The following ZFHX4 variants were observed in gnomAD, a reference collection of about 807,000 sequenced individuals.
ZFHX4 encodes zinc finger homeobox protein 4.
Under a neutral mutation model 267.6 loss-of-function variants are expected in ZFHX4, and 56 were observed. The observed-to-expected ratio is 0.21, with a 90% CI of 0.17 to 0.26. The LOEUF (loss-of-function observed/expected upper bound fraction) is 0.26. Ranked by LOEUF, ZFHX4 falls within the 10% of genes least tolerant of loss-of-function variation. The pLI is 1.00. For missense variants in ZFHX4, 4,332 were observed against 4,420.0 expected (o/e 0.98, Z 0.56); for synonymous variants, 1,778 against 1,665.6 (o/e 1.07, Z -1.64).
At chr8:76,732,909 C>T (rs1809059756) in intron 3 of ZFHX4, among the ~76,000 whole-genome samples, 1 of 152,080 alleles carries the variant, frequency 6.6e-6, no homozygotes, top group African/African-American at 2.4e-5. Context: ...TGGACCCTGG[C>T]ATGCAAGCTG....
At chr8:76,861,920 T>C (rs1812878580) in intron 10 of ZFHX4, among the ~76,000 whole-genome samples, 1 of 152,064 alleles carries the variant, frequency 6.6e-6, no homozygotes, top group Admixed American at 6.6e-5. Flanking sequence ...AATTCTTCCT[T>C]CCGCCCACCA....
In ZFHX4 at chr8:76,864,634, C is replaced by G. The variant is rs768313922; in HGVS notation, c.*69C>G. On this transcript the variant is annotated 3_prime_UTR_variant, in exon 11 of 11. Coordinates refer to ENST00000651372, the MANE Select transcript of ZFHX4 (RefSeq NM_024721.5). ...AAATAAAAAAAAAATAAGACTTTAA[C>G]TGCAGTTCCAAAGCTTCTCTAACCC... 7.4e-6 allele frequency: 9 copies of G among 1,223,078 alleles called. No individual in the cohort carries two copies. The highest frequency in any genetic ancestry group is 9.9e-6 in the Non-Finnish European group (9 of 910,948). The allele number at this position is 1,223,078 out of a possible 1,614,324, so 75.8% of individuals were successfully genotyped here. A position where few individuals can be genotyped will look rare whatever the true frequency, so the allele number is the denominator to read the frequency against.
At chr8:76,707,509 A>G in intron 2 of ZFHX4, 37 bp from the exon 3 acceptor site, 2 of 1,458,380 alleles carry the variant, frequency 1.4e-6, no homozygotes. Context: ...TGTGTTTTCT[A>G]GTCTCTATTT....
rs1811378359 is a variant in ZFHX4, at chr8:76,811,545, G to A, written c.3326-21793G>A. Among the ~76,000 whole-genome samples, 4 of 151,980 alleles carry A rather than the reference G, an allele frequency of 2.6e-5. No individual in the cohort carries two copies. In the South Asian group the frequency reaches 8.3e-4, roughly 32 times the overall value. ...TTCAATGTAATTGGGTCCTGTGGAT[G>A]GAAAAAAAACTACTGATGTTATGTG... On this transcript the variant is annotated intron_variant, in intron 4 of 10. Transcript: ENST00000651372.
In ZFHX4 at chr8:76,704,792, A is replaced by G. The variant is rs1487137372; in HGVS notation, c.704A>G (p.Lys235Arg). Residue 235 changes from lysine (K) to arginine (R), a missense_variant, in exon 2 of 11, where the codon AAG becomes AGG. Around this residue, in one of 7 missense-constraint regions of ZFHX4, gnomAD observed 1,195 missense variants for 1,173.6 expected, o/e 1.02. Coordinates refer to ENST00000651372, the MANE Select transcript of ZFHX4 (RefSeq NM_024721.5). ...HSFRVYDLRH[K>R]REKDYLTSDG... ...TTCCGTGTCTATGATCTCCGACACA[A>G]GAGAGAGAAAGACTATCTAACCAGT... 10 of 1,613,978 alleles carry G rather than the reference A, an allele frequency of 6.2e-6. No homozygotes were observed. Among genetic ancestry groups the G allele is most frequent in the Non-Finnish European group, 8.5e-6 (10 of 1,179,956 alleles).
At chr8:76,688,808 T>C (rs1038767805) in intron 1 of ZFHX4, among the ~76,000 whole-genome samples, 26 of 152,272 alleles carry the variant, frequency 1.7e-4, no homozygotes, top group African/African-American at 6.0e-4. Flanking sequence ...CCGATGGCTG[T>C]CTCAGAACAA....
At position 76,864,112 on chromosome 8, in the gene ZFHX4, C is replaced by T. The variant is rs184304978; in HGVS notation, c.10398C>T (p.Leu3466=). 3.1e-6 allele frequency: 5 copies of T among 1,613,860 alleles called. No individual in the cohort carries two copies. Among genetic ancestry groups the T allele is most frequent in the Non-Finnish European group, 4.2e-6 (5 of 1,179,844 alleles). ...ISGNEALSQH[L]QSSLHKEKTI... is the part of the protein sequence containing the mutation. Reference sequence around the variant, plus strand: ...GGAATGAAGCACTTAGCCAACACCTCCAGTCAAGCTTGCACAAAGAGAAAA... The same window carrying T: ...GGAATGAAGCACTTAGCCAACACCTTCAGTCAAGCTTGCACAAAGAGAAAA... Residue 3466 remains leucine (L), a synonymous_variant, in exon 11 of 11, where the codon CTC becomes CTT. Coordinates refer to ENST00000651372, the MANE Select transcript of ZFHX4 (RefSeq NM_024721.5).
rs1458673117 is a variant in ZFHX4, at chr8:76,851,847, C to A, written c.4926C>A (p.Val1642=). ...GTGGGCACAGCATTGCAGCAAATGT[C>A]AACAGCCCTGGCCAGGGGATGTTAG... The part of the protein sequence containing the change: ...VAGGHSIAAN[V]NSPGQGMLDS... Residue 1642 remains valine (V), a synonymous_variant, in exon 10 of 11, where the codon GTC becomes GTA. Coordinates refer to ENST00000651372, the MANE Select transcript of ZFHX4 (RefSeq NM_024721.5). The A allele has an allele frequency of 6.2e-7, 1 of 1,613,794 alleles. No individual in the cohort carries two copies. Among genetic ancestry groups the A allele is most frequent in the Admixed American group, 1.7e-5 (1 of 60,010 alleles).
At chr8:76,822,708 T>C (rs141349697) in intron 4 of ZFHX4, among the ~76,000 whole-genome samples, 1 of 152,230 alleles carries the variant, frequency 6.6e-6, no homozygotes, top group African/African-American at 2.4e-5. Flanking sequence ...CTTAAAGTGC[T>C]AGGATTACAG....
At chr8:76,737,778 T>C (rs557613963) in intron 3 of ZFHX4, among the ~76,000 whole-genome samples, 1 of 152,186 alleles carries the variant, frequency 6.6e-6, no homozygotes, top group Non-Finnish European at 1.5e-5. Context: ...CTAATTGCAA[T>C]TGCATGTAGG....
At chr8:76,753,736 C>T (rs1482804455) in intron 3 of ZFHX4, among the ~76,000 whole-genome samples, 4 of 147,920 alleles carry the variant, frequency 2.7e-5, no homozygotes, top group South Asian at 2.2e-4. Context: ...GCTATTCTCT[C>T]ATCTCAGCCT....
intron 4 of ZFHX4, among the ~76,000 whole-genome samples, chr8:76,798,133 G>T (rs1811029749): frequency 6.6e-6 from 1 of 152,086 alleles, no homozygotes; most frequent in South Asian, 2.1e-4. Flanking sequence ...CAGAGGAAGG[G>T]TACACAAAAT....
At chr8:76,817,263 A>T (rs1471706) in intron 4 of ZFHX4, among the ~76,000 whole-genome samples, 16 of 152,348 alleles carry the variant, frequency 1.1e-4, no homozygotes, top group Admixed American at 3.3e-4. Context: ...TTGAGAAAGT[A>T]CTATTGGTAC....
chr8:76,708,271 G>A, intron 3 of ZFHX4: 1 of 569,696 alleles, frequency 1.8e-6, no homozygotes, highest in South Asian at 2.3e-5. Flanking sequence ...ACCTGTCTCA[G>A]TGGCATTTAT....
Position 76,704,199 on chromosome 8 carries a change from G to A in ZFHX4, c.111G>A (p.Gly37=). The A allele has an allele frequency of 1.2e-6, 2 of 1,613,978 alleles. No homozygotes were observed. Among genetic ancestry groups the A allele is most frequent in the South Asian group, 2.2e-5 (2 of 91,066 alleles). The change falls in exon 2 of 11, where the codon GGG becomes GGA. Residue 37 remains glycine, a synonymous_variant. Coordinates refer to ENST00000651372, the MANE Select transcript of ZFHX4 (RefSeq NM_024721.5). ...LDNEVPEKVA[G]MEPDRENSST... ...ATGAGGTGCCAGAGAAAGTTGCAGG[G>A]ATGGAGCCTGACAGGGAAAACAGCT...
intron 3 of ZFHX4, among the ~76,000 whole-genome samples, chr8:76,730,450 T>C (rs1298252222): frequency 1.5e-4 from 23 of 152,122 alleles, no homozygotes; most frequent in African/African-American, 4.8e-4. Context: ...CCTGTAATCC[T>C]AGCACTTTGG....
intron 4 of ZFHX4, among the ~76,000 whole-genome samples, chr8:76,832,832 A>T (rs1033043584): frequency 6.6e-6 from 1 of 152,148 alleles, no homozygotes; most frequent in South Asian, 2.1e-4. Flanking sequence ...GAAAGATGAG[A>T]ATAAAGATGT....
intron 5 of ZFHX4, among the ~76,000 whole-genome samples, chr8:76,835,499 T>G (rs1812070538): frequency 6.6e-6 from 1 of 151,804 alleles, no homozygotes; most frequent in South Asian, 2.1e-4. Flanking sequence ...ATTGGAATAC[T>G]TAAAATAAAA....
Position 76,855,253 on chromosome 8 carries a change from T to A in ZFHX4, c.8332T>A (p.Ser2778Thr), listed in dbSNP as rs376236408. Residue 2778 changes from serine (S) to threonine (T), a missense_variant, in exon 10 of 11, where the codon TCT becomes ACT. Around this residue, in one of 7 missense-constraint regions of ZFHX4, gnomAD observed 1,648 missense variants for 1,625.0 expected, o/e 1.01. Transcript: ENST00000651372. ...CCCTTCTTCTTTTAAAGCAGAGTGT[T>A]CTGAGGATGTAGAGAATTTAAATGC... Reference protein sequence around the residue: ...LSPSSFKAECSEDVENLNAPP... With the variant: ...LSPSSFKAECTEDVENLNAPP... The A allele has an allele frequency of 1.2e-6, 2 of 1,612,352 alleles. No homozygotes were observed. Among genetic ancestry groups the A allele is most frequent in the African/African-American group, 2.7e-5 (2 of 74,712 alleles).
Sources: allele counts gnomAD v4.1 joint callset (sites outside exome capture counted in the v4.1 genomes callset), GRCh38; gene constraint gnomAD v4.1.1; regional missense constraint gnomAD v4.1.1; transcripts MANE v1.5; gene names NCBI Gene and HGNC (gene_info 2026-07-23, HGNC 2026-07-21).